Variants in LZTS2 observed in about 807,000 individuals in gnomAD.
LZTS2 encodes the protein leucine zipper putative tumor suppressor 2.
Under a neutral mutation model 60.6 loss-of-function variants are expected in LZTS2, and 32 were observed. The observed-to-expected ratio is 0.53, with a 90% CI of 0.40 to 0.71. The LOEUF is 0.71. Ranked by LOEUF, LZTS2 falls within the 30% of genes least tolerant of loss-of-function variation. The pLI, the probability that LZTS2 is intolerant of heterozygous loss-of-function variation, is 0.00. For synonymous variants in LZTS2, 360 were observed against 393.1 expected (o/e 0.92, Z 1.00); for missense variants, 792 against 901.9 (o/e 0.88, Z 1.56).
exon 4 of LZTS2, chr10:101,007,240 G>C: frequency 6.9e-7 from 1 of 1,456,692 alleles, no homozygotes; most frequent in Non-Finnish European, 9.0e-7. Context: ...TAGGCCCCAG[G>C]GTCCACGGAT....
chr10:100,997,070 C>T (rs560282126), upstream of LZTS2: 1 of 152,798 alleles, frequency 6.5e-6, no homozygotes, highest in South Asian at 2.1e-4. Context: ...CGCCCCGCTC[C>T]ACCAGGTCGG....
Position 101,006,477 on chromosome 10 carries a change from A to G in LZTS2, c.1327-8A>G. The G allele has an allele frequency of 6.2e-7, 1 of 1,603,328 alleles. No individual in the cohort carries two copies. Among genetic ancestry groups the G allele is most frequent in the Non-Finnish European group, 8.5e-7 (1 of 1,175,202 alleles). On this transcript the variant is annotated splice_polypyrimidine_tract_variant and splice_region_variant and intron_variant, in intron 3 of 3. Coordinates refer to ENST00000370220, the Ensembl canonical transcript of LZTS2. ...TCACCATCCTTCCCCACTTCCTCCC[A>G]CCCCCAGGTGTGCCAGAAATCAGGC...
intron 2 of LZTS2, among the ~76,000 whole-genome samples, chr10:101,004,655 A>C (rs1436606504): frequency 6.6e-6 from 1 of 152,182 alleles, no homozygotes; most frequent in East Asian, 1.9e-4. Context: ...GCATGGATTC[A>C]AACCTCCCAC....
At chr10:101,003,182 G>A (rs1022522283) in intron 1 of LZTS2, 11 of 571,838 alleles carry the variant, frequency 1.9e-5, no homozygotes, top group Non-Finnish European at 3.0e-5. Context: ...TGCCTAGCAC[G>A]TAGCATGTAC....
chr10:101,004,241 A>G, intron 2 of LZTS2, 75 bp downstream of exon 3: 1 of 1,494,762 alleles, frequency 6.7e-7, no homozygotes, highest in African/African-American at 1.4e-5. Context: ...CGGCATTTCC[A>G]TTTTGGCAGG....
intron 3 of LZTS2, 58 bp downstream of exon 4, chr10:101,005,773 A>G: frequency 6.9e-6 from 10 of 1,444,938 alleles, no homozygotes; most frequent in South Asian, 1.4e-5. Context: ...CCCTGGAAAA[A>G]GGGGCCCAGC....
chr10:101,005,000 G>A (rs1262143684), intron 2 of LZTS2, among the ~76,000 whole-genome samples: 2 of 152,062 alleles, frequency 1.3e-5, no homozygotes, highest in South Asian at 4.1e-4. Flanking sequence ...ACCCGGCCAA[G>A]TGCTTGCTTT....
intron 1 of LZTS2, chr10:101,003,258 G>T (rs1457713275): frequency 1.9e-6 from 1 of 525,106 alleles, no homozygotes; most frequent in African/African-American, 1.9e-5. Context: ...CTTTGGGCAA[G>T]GCCTTTAACC....
At chr10:101,002,754 G>T (rs573518238) in exon 1 of LZTS2, 1 of 1,613,116 alleles carries the variant, frequency 6.2e-7, no homozygotes, top group Admixed American at 1.7e-5. Context: ...CACAGGAGCC[G>T]CTGTGCCCAG....
chr10:101,006,445 A>G, intron 3 of LZTS2, 40 bp from the exon 5 acceptor site: 1 of 1,573,942 alleles, frequency 6.4e-7, no homozygotes, highest in Non-Finnish European at 8.6e-7. Flanking sequence ...CCCCAGGAGA[A>G]CCTGTCTCAC....
At chr10:101,000,060 G>A (rs1239375431) in exon 1 of LZTS2, 1 of 152,264 alleles carries the variant, frequency 6.6e-6, no homozygotes, top group Non-Finnish European at 1.5e-5. Flanking sequence ...TTCTGGAAGG[G>A]GGGCTGGACT....
chr10:101,007,816 A>T (rs975005874), exon 4 of LZTS2: 2 of 295,970 alleles, frequency 6.8e-6, no homozygotes, highest in South Asian at 2.4e-4. Flanking sequence ...AATTAAAAAA[A>T]ATTTTTTTGT....
chr10:100,998,638 G>A (rs1851963151), upstream of LZTS2: 1 of 152,184 alleles, frequency 6.6e-6, no homozygotes, highest in African/African-American at 2.4e-5. Flanking sequence ...GGCATCAGCT[G>A]ACCTGACCGG....
chr10:101,003,196 G>A, intron 1 of LZTS2: 1 of 551,828 alleles, frequency 1.8e-6, no homozygotes, highest in Non-Finnish European at 3.1e-6. Flanking sequence ...CATGTACGCA[G>A]TAAGTGCTAG....
exon 2 of LZTS2, chr10:101,003,704 C>T: frequency 6.2e-7 from 1 of 1,613,482 alleles, no homozygotes; most frequent in Non-Finnish European, 8.5e-7. Context: ...CTGACAAACC[C>T]CTGGCATTTA....
exon 4 of LZTS2, chr10:101,007,363 T>C (rs538631891): frequency 1.4e-6 from 2 of 1,417,756 alleles, no homozygotes; most frequent in Non-Finnish European, 1.8e-6. Context: ...ATCAGACCGC[T>C]CAAAGGTCCC....
intron 2 of LZTS2, 82 bp from the exon 4 acceptor site, chr10:101,005,376 T>A: frequency 1.4e-6 from 2 of 1,454,880 alleles, no homozygotes; most frequent in East Asian, 4.7e-5. Context: ...TCCTGAGCCC[T>A]CGGAAGTGGG....
Position 101,003,785 on chromosome 10 carries a change from C to T in LZTS2, c.687C>T (p.Pro229=), listed in dbSNP as rs1304577412. 4.3e-6 allele frequency: 7 copies of T among 1,613,118 alleles called. No individual in the cohort carries two copies. The Admixed American group carries it at 1.2e-4, about 27-fold the overall frequency. The stretch of plus-strand genomic sequence containing the variant: ...GCCGAAACTCACTGTCCAGCCTGCC[C>T]ACCTACAGCACCGGAGGTGCCGAGC... Residue 229 remains proline, a synonymous_variant, in exon 2 of 4, where the codon CCC becomes CCT. Coordinates refer to ENST00000370220, the Ensembl canonical transcript of LZTS2.
exon 3 of LZTS2, chr10:101,005,671 G>A: frequency 6.2e-7 from 1 of 1,604,766 alleles, no homozygotes; most frequent in African/African-American, 1.3e-5. Flanking sequence ...CTTGGAGCGG[G>A]AGCAGCGGGA....
Sources: allele counts gnomAD v4.1 joint callset (sites outside exome capture counted in the v4.1 genomes callset), GRCh38; gene constraint gnomAD v4.1.1; transcripts MANE v1.5; gene names NCBI Gene and HGNC (gene_info 2026-07-23, HGNC 2026-07-21).